LDLRAD4: variants seen among roughly 807,000 people sequenced by gnomAD.
The protein encoded by LDLRAD4 is low-density lipoprotein receptor class A domain-containing protein 4.
In LDLRAD4, 5 loss-of-function variants were observed where a neutral mutation model predicts 17.0. The observed-to-expected ratio is 0.29, with a 90% CI of 0.15 to 0.62. The LOEUF (loss-of-function observed/expected upper bound fraction) is 0.62. Among genes scored for constraint, LDLRAD4 ranks in the 20% least tolerant of loss-of-function variants. The pLI is 0.84. For synonymous variants in LDLRAD4, 168 were observed against 171.8 expected, an observed-to-expected ratio of 0.98 and a Z score of 0.17; for missense variants, 340 against 424.7, an observed-to-expected ratio of 0.80 and a Z score of 1.75.
At chr18:13,648,603 A>G (rs1371670823) in exon 6 of LDLRAD4, 1 of 152,224 alleles carries the variant, frequency 6.6e-6, no homozygotes, top group African/African-American at 2.4e-5. Context: ...CAACTTACAC[A>G]GTGGGGCCTA....
chr18:13,539,961 C>T (rs1340258860), intron 3 of LDLRAD4, among the ~76,000 whole-genome samples: 1 of 152,192 alleles, frequency 6.6e-6, no homozygotes, highest in Non-Finnish European at 1.5e-5. Flanking sequence ...TCCTTGAAGA[C>T]CACTGTCAGC....
At chr18:13,360,628 A>G (rs555866097) in intron 1 of LDLRAD4, among the ~76,000 whole-genome samples, 66 of 152,380 alleles carry the variant, frequency 4.3e-4, no homozygotes, top group Middle Eastern at 3.4e-3. Context: ...TCTGCCTTCA[A>G]ACGTACTGGC....
chr18:13,573,986 G>T (rs957888901), intron 3 of LDLRAD4, among the ~76,000 whole-genome samples: 1 of 152,204 alleles, frequency 6.6e-6, no homozygotes, highest in African/African-American at 2.4e-5. Flanking sequence ...TCTCTCACCA[G>T]AGTGAGGCTT....
chr18:13,348,801 C>T (rs1231302268), intron 1 of LDLRAD4, among the ~76,000 whole-genome samples: 1 of 152,202 alleles, frequency 6.6e-6, no homozygotes, highest in African/African-American at 2.4e-5. Flanking sequence ...CTCGCTGCCA[C>T]CTTGCAGTTT....
At chr18:13,419,512 A>G (rs546292327) in intron 2 of LDLRAD4, 6 of 152,162 alleles carry the variant, frequency 3.9e-5, no homozygotes, top group Non-Finnish European at 8.8e-5. Context: ...GAGTCTTTTA[A>G]GTTCTTTACG....
chr18:13,232,243 C>G (rs1169689546), intron 1 of LDLRAD4, among the ~76,000 whole-genome samples: 1 of 152,164 alleles, frequency 6.6e-6, no homozygotes, highest in Non-Finnish European at 1.5e-5. Context: ...GGAGTATGTC[C>G]CAGGTCCTGA....
At chr18:13,227,491 G>T (rs138984347) in intron 1 of LDLRAD4, among the ~76,000 whole-genome samples, 1 of 152,310 alleles carries the variant, frequency 6.6e-6, no homozygotes, top group Non-Finnish European at 1.5e-5. Flanking sequence ...TATGCTGGGG[G>T]TGCACTTCCA....
intron 3 of LDLRAD4, among the ~76,000 whole-genome samples, chr18:13,498,260 G>T (rs1322001060): frequency 1.3e-5 from 2 of 148,582 alleles, no homozygotes; most frequent in Non-Finnish European, 3.0e-5. Flanking sequence ...GGACACTGGA[G>T]AATCCTTTTC....
chr18:13,556,044 C>G (rs771062854), intron 3 of LDLRAD4, among the ~76,000 whole-genome samples: 1 of 151,998 alleles, frequency 6.6e-6, no homozygotes, highest in Non-Finnish European at 1.5e-5. Flanking sequence ...CCAAACTACT[C>G]GGAGTCACTG....
At chr18:13,283,287 T>G (rs544715237) in intron 1 of LDLRAD4, among the ~76,000 whole-genome samples, 1 of 152,364 alleles carries the variant, frequency 6.6e-6, no homozygotes, top group Admixed American at 6.5e-5. Context: ...TGGGTTTTTC[T>G]TTTCTATTGC....
chr18:13,450,465 A>G (rs1033785503), intron 3 of LDLRAD4, among the ~76,000 whole-genome samples: 13 of 152,180 alleles, frequency 8.5e-5, no homozygotes, highest in African/African-American at 3.1e-4. Context: ...TGGGGTAGTC[A>G]CTTGTGGAAA....
chr18:13,291,561 C>T (rs944824480), intron 1 of LDLRAD4, among the ~76,000 whole-genome samples: 14 of 152,094 alleles, frequency 9.2e-5, no homozygotes, highest in African/African-American at 3.4e-4. Context: ...CTCACCTCCT[C>T]ACAGGCACAG....
At chr18:13,278,769 G>A (rs756661709) in intron 1 of LDLRAD4, among the ~76,000 whole-genome samples, 4 of 152,086 alleles carry the variant, frequency 2.6e-5, no homozygotes, top group Non-Finnish European at 5.9e-5. Flanking sequence ...CCTCTCTCCC[G>A]CTTGTCTTCC....
chr18:13,612,665 C>A, intron 3 of LDLRAD4: 1 of 1,613,348 alleles, frequency 6.2e-7, no homozygotes, highest in Non-Finnish European at 8.5e-7. Flanking sequence ...CGTGGGGGGG[C>A]TGCGTCACAG....
intron 2 of LDLRAD4, among the ~76,000 whole-genome samples, chr18:13,406,890 C>T (rs1056758401): frequency 5.3e-5 from 8 of 152,004 alleles, no homozygotes; most frequent in Non-Finnish European, 1.0e-4. Flanking sequence ...TGTGGTGTGG[C>T]GGGTGAAGGT....
chr18:13,601,746 G>A lies in LDLRAD4; in HGVS notation c.182-19371G>A, dbSNP rs527315768. ...GTTAGTTCAGCCACTATAGAATGCA[G>A]TTTGGAGATTTCTCAAAGAACTGAA... is the stretch of plus-strand genomic sequence containing the variant. On this transcript the variant is annotated intron_variant, in intron 3 of 5. Coordinates refer to ENST00000359446, the Ensembl canonical transcript of LDLRAD4. Among the ~76,000 whole-genome samples the A allele has an allele frequency of 5.9e-5, 9 of 152,172 alleles. No homozygotes were observed. The South Asian group carries it at 1.9e-3, about 32-fold the overall frequency.
At chr18:13,548,732 G>A (rs530789818) in intron 3 of LDLRAD4, among the ~76,000 whole-genome samples, 1 of 152,168 alleles carries the variant, frequency 6.6e-6, no homozygotes, top group Non-Finnish European at 1.5e-5. Context: ...TGGGAGAGTG[G>A]GGCTCCTGCC....
upstream of LDLRAD4, among the ~76,000 whole-genome samples, chr18:13,277,289 G>A (rs2146211435): frequency 6.6e-6 from 1 of 152,342 alleles, no homozygotes; most frequent in East Asian, 1.9e-4. Context: ...ACAAGAGTGT[G>A]TCCTGCACAC....
chr18:13,239,490 C>T (rs2042517193), intron 1 of LDLRAD4: 1 of 152,154 alleles, frequency 6.6e-6, no homozygotes, highest in African/African-American at 2.4e-5. Context: ...TTCTAATTAG[C>T]TAGTGAATTA....
Sources: allele counts gnomAD v4.1 joint callset (sites outside exome capture counted in the v4.1 genomes callset), GRCh38; gene constraint gnomAD v4.1.1; transcripts MANE v1.5; gene names NCBI Gene and HGNC (gene_info 2026-07-23, HGNC 2026-07-21).